The following SNX9 variants were observed in gnomAD, a reference collection of about 807,000 sequenced individuals.
SNX9 encodes the protein sorting nexin 9, also known as sorting nexin-9.
In SNX9, 44 loss-of-function variants were observed where a neutral mutation model predicts 89.4. That is an observed-to-expected ratio of 0.49 (90% CI 0.39 to 0.63). SNX9 has a LOEUF of 0.63. Ranked by LOEUF, SNX9 falls within the 30% of genes least tolerant of loss-of-function variation. The pLI, the probability that SNX9 is intolerant of heterozygous loss-of-function variation, is 0.00. For missense variants in SNX9, 578 were observed against 736.1 expected (o/e 0.79, Z 2.49); for synonymous variants, 236 against 247.8 (o/e 0.95, Z 0.45).
rs111561792 is a variant in SNX9, at chr6:157,911,978, G to A, written c.949+1953G>A. Among the ~76,000 whole-genome samples the A allele has an allele frequency of 3.0e-3, 464 of 152,256 alleles. 4 individuals carry two copies. Among genetic ancestry groups the A allele is most frequent in the African/African-American group, 9.8e-3 (407 of 41,544 alleles). On this transcript the variant is annotated intron_variant, in intron 9 of 17. Transcript: ENST00000392185. The stretch of plus-strand genomic sequence containing the variant: ...GAGTGGTCCCTCGTGGTGCTGGGGC[G>A]GTGGAGTGACAGCCAGATGGCCGTG...
intron 1 of SNX9, chr6:157,829,098 A>G (rs955708225): frequency 6.8e-6 from 1 of 146,764 alleles, no homozygotes; most frequent in African/African-American, 2.8e-5. Flanking sequence ...ATTTGTTAAA[A>G]GTGTATACAG....
In SNX9 at chr6:157,928,691, G is replaced by C; in HGVS notation, c.1277G>C (p.Arg426Pro). The C allele has an allele frequency of 6.2e-7, 1 of 1,600,492 alleles. No individual in the cohort carries two copies. Among genetic ancestry groups the C allele is most frequent in the Non-Finnish European group, 8.5e-7 (1 of 1,173,918 alleles). Residue 426 changes from arginine to proline, a missense_variant, in exon 12 of 18, where the codon CGC becomes CCC. Arg to Pro is a moderately radical substitution (Grantham distance 103, BLOSUM62 -2). Coordinates refer to ENST00000392185, the MANE Select transcript of SNX9 (RefSeq NM_016224.5). ...ACGGTGGGGCAGGAGCACTGGAAGC[G>C]CTGCACGGGCCGTAAGTCCACTCCT... ...LLTVGQEHWK[R>P]CTGPLPKEYQ...
At chr6:157,888,646 T>C (rs905765606) in intron 4 of SNX9, among the ~76,000 whole-genome samples, 20 of 152,294 alleles carry the variant, frequency 1.3e-4, no homozygotes, top group African/African-American at 4.3e-4. Flanking sequence ...TCCTTCTCCT[T>C]CTTCCATATA....
chr6:157,922,004 G>C (rs1479411219), intron 10 of SNX9, among the ~76,000 whole-genome samples: 1 of 152,206 alleles, frequency 6.6e-6, no homozygotes, highest in Non-Finnish European at 1.5e-5. Context: ...GAAGTGAGGG[G>C]AGTGGAGTGA....
At chr6:157,835,829 TTC>T (rs1781571540) in intron 1 of SNX9, among the ~76,000 whole-genome samples, 1 of 152,170 alleles carries the variant, frequency 6.6e-6, no homozygotes. Context: ...TTAAACCTCT[TTC>T]CTGTATAAAT....
intron 1 of SNX9, among the ~76,000 whole-genome samples, chr6:157,840,495 T>A (rs899690410): frequency 1.3e-5 from 2 of 151,874 alleles, no homozygotes; most frequent in African/African-American, 4.9e-5. Flanking sequence ...TCTCTTTCTT[T>A]CTCTTTCTTT....
In SNX9 at chr6:157,921,523, G is replaced by T; in HGVS notation, c.950-8G>T. The T allele has an allele frequency of 1.2e-6, 2 of 1,611,392 alleles. No homozygotes were observed. The highest frequency in any genetic ancestry group is 1.7e-6 in the Non-Finnish European group (2 of 1,178,374). ...AGTTGTATGTCATTCTTGGTGTGTC[G>T]CTTGCAGGCCGCTTTGAAGAGGAAT... On this transcript the variant is annotated splice_polypyrimidine_tract_variant and splice_region_variant and intron_variant, in intron 9 of 17. Transcript: ENST00000392185.
At chr6:157,936,619 A>G (rs1783930810) in intron 14 of SNX9, among the ~76,000 whole-genome samples, 1 of 152,214 alleles carries the variant, frequency 6.6e-6, no homozygotes, top group African/African-American at 2.4e-5. Context: ...TCAGATCTGT[A>G]TGGACCATTG....
intron 1 of SNX9, among the ~76,000 whole-genome samples, chr6:157,852,137 G>A (rs1333831814): frequency 1.3e-5 from 2 of 152,122 alleles, no homozygotes; most frequent in East Asian, 3.9e-4. Context: ...GGAATTTGCT[G>A]GATCATATGG....
chr6:157,850,265 G>A (rs1284173990), intron 1 of SNX9, among the ~76,000 whole-genome samples: 1 of 152,174 alleles, frequency 6.6e-6, no homozygotes, highest in Admixed American at 6.5e-5. Flanking sequence ...GTGTCAGTGT[G>A]GGCAAGGCTT....
chr6:157,891,218 G>A (rs986114310), intron 4 of SNX9, among the ~76,000 whole-genome samples: 60 of 151,466 alleles, frequency 4.0e-4, no homozygotes, highest in African/African-American at 1.4e-3. Context: ...TAATAGAGAT[G>A]GGGTTTCACC....
At chr6:157,908,566 A>T (rs3792940) in intron 7 of SNX9, among the ~76,000 whole-genome samples, 1 of 152,074 alleles carries the variant, frequency 6.6e-6, no homozygotes, top group Admixed American at 6.5e-5. Flanking sequence ...ACTTGAGACT[A>T]TTGGTGACTC....
intron 7 of SNX9, among the ~76,000 whole-genome samples, chr6:157,907,533 A>G (rs1435627692): frequency 6.6e-6 from 1 of 152,126 alleles, no homozygotes; most frequent in Non-Finnish European, 1.5e-5. Context: ...ATCCGCCCAC[A>G]TTGGCCTCCC....
rs750926209 is a variant in SNX9 at position 157,909,763 on chromosome 6, C to T, written c.804C>T (p.Ser268=). ...RKGSKMYGLK[S]YIEYQLTPTN... ...GCTCCAAAATGTATGGTCTAAAGAG[C>T]TACATCGAATATCAGCTAACACCTA... Residue 268 remains serine (S), a synonymous_variant, in exon 8 of 18, where the codon AGC becomes AGT. Coordinates refer to ENST00000392185, the MANE Select transcript of SNX9 (RefSeq NM_016224.5). The T allele has an allele frequency of 6.6e-5, 106 of 1,614,014 alleles. 3 individuals carry two copies. Among genetic ancestry groups the T allele is most frequent in the South Asian group, 4.4e-4 (40 of 91,070 alleles).
At chr6:157,828,937 T>A (rs1781433099) in intron 1 of SNX9, among the ~76,000 whole-genome samples, 1 of 152,182 alleles carries the variant, frequency 6.6e-6, no homozygotes. Context: ...CTCAAGAAGC[T>A]GAGACTGTTT....
intron 5 of SNX9, among the ~76,000 whole-genome samples, chr6:157,901,408 T>C (rs1783095488): frequency 6.6e-6 from 1 of 152,212 alleles, no homozygotes; most frequent in Non-Finnish European, 1.5e-5. Context: ...CAAAAAAACA[T>C]TTGCCAAGGC....
At chr6:157,870,242 ACT>A (rs1462002627) in intron 2 of SNX9, among the ~76,000 whole-genome samples, 6 of 145,850 alleles carry the variant, frequency 4.1e-5, no homozygotes, top group Non-Finnish European at 6.0e-5. Flanking sequence ...CCCCTCAGAC[ACT>A]CTCACCTGCT....
chr6:157,900,075 C>G (rs1028414062), intron 5 of SNX9, among the ~76,000 whole-genome samples: 5 of 152,142 alleles, frequency 3.3e-5, no homozygotes, highest in African/African-American at 1.2e-4. Flanking sequence ...TACCTTTGAC[C>G]TGCATCTCCC....
At chr6:157,905,772 A>G (rs1403889244) in intron 6 of SNX9, among the ~76,000 whole-genome samples, 1 of 152,204 alleles carries the variant, frequency 6.6e-6, no homozygotes, top group African/African-American at 2.4e-5. Flanking sequence ...CCCTGTGGCC[A>G]ACTCAGATTG....
Sources: gnomAD v4.1 joint callset for allele counts (sites outside exome capture counted in the v4.1 genomes callset) on GRCh38, gnomAD v4.1.1 for gene constraint, MANE v1.5 for transcripts, NCBI Gene and HGNC (gene_info 2026-07-23, HGNC 2026-07-21) for gene names.